CWC27: variants seen among roughly 807,000 people sequenced by gnomAD.
CWC27 encodes the protein CWC27 spliceosome associated cyclophilin.
Under a neutral mutation model 63.6 loss-of-function variants are expected in CWC27, and 47 were observed. That is an observed-to-expected ratio of 0.74 (90% CI 0.58 to 0.94). The LOEUF (loss-of-function observed/expected upper bound fraction) is 0.94, where lower values mean the gene tolerates loss of function less well. CWC27 is among the 40% of genes least tolerant of loss of function. The pLI, the probability that CWC27 is intolerant of heterozygous loss-of-function variation, is 0.00. For missense variants in CWC27, 495 were observed against 554.3 expected (o/e 0.89, Z 1.07); for synonymous variants, 175 against 179.8 (o/e 0.97, Z 0.22).
chr5:64,965,511 A>T (rs1748996448), intron 11 of CWC27, among the ~76,000 whole-genome samples: 1 of 152,218 alleles, frequency 6.6e-6, no homozygotes, highest in Non-Finnish European at 1.5e-5. Flanking sequence ...GAGCTTCATT[A>T]AGAATGGAAT....
intron 10 of CWC27, among the ~76,000 whole-genome samples, chr5:64,872,246 A>G (rs1746691460): frequency 6.6e-6 from 1 of 152,162 alleles, no homozygotes; most frequent in Non-Finnish European, 1.5e-5. Flanking sequence ...AGAATGACTC[A>G]TTTTATGCCT....
intron 11 of CWC27, among the ~76,000 whole-genome samples, chr5:64,930,313 C>T (rs542307876): frequency 6.6e-5 from 10 of 151,632 alleles, no homozygotes; most frequent in South Asian, 2.1e-4. Context: ...ATAGTGGTGA[C>T]GGTTTTACAA....
intron 10 of CWC27, among the ~76,000 whole-genome samples, chr5:64,873,784 T>C (rs79615311): frequency 2.6e-5 from 4 of 152,150 alleles, no homozygotes; most frequent in Non-Finnish European, 5.9e-5. Context: ...GTTTTCTCTA[T>C]GTTTTCTTTT....
In CWC27 at chr5:64,929,773, G is replaced by C. The variant is rs533160811; in HGVS notation, c.1043-41930G>C. On this transcript the variant is annotated intron_variant, in intron 11 of 13. Coordinates refer to ENST00000381070, the MANE Select transcript of CWC27 (RefSeq NM_005869.4). The stretch of plus-strand genomic sequence containing the variant: ...AAGCTCATACATTACTGATGGTATT[G>C]TAAAATGGTACAACTGCTTTGGAAA... 3.9e-5 allele frequency among the ~76,000 whole-genome samples: 6 copies of C among 152,030 alleles called. No homozygotes were observed. The South Asian group carries it at 1.2e-3, about 32-fold the overall frequency.
intron 11 of CWC27, among the ~76,000 whole-genome samples, chr5:64,944,085 A>C (rs1408227460): frequency 6.6e-6 from 1 of 151,986 alleles, no homozygotes; most frequent in East Asian, 1.9e-4. Context: ...CATTACTCCA[A>C]CAGTTCTTTT....
At chr5:64,990,990 G>A (rs1226539475) in intron 13 of CWC27, among the ~76,000 whole-genome samples, 2 of 152,180 alleles carry the variant, frequency 1.3e-5, no homozygotes, top group African/African-American at 4.8e-5. Context: ...GGTGTGGGAT[G>A]TGGAGTAAAG....
At chr5:64,900,930 G>A (rs1747488078) in intron 11 of CWC27, among the ~76,000 whole-genome samples, 1 of 152,008 alleles carries the variant, frequency 6.6e-6, no homozygotes, top group Non-Finnish European at 1.5e-5. Context: ...ATGTGGCCCA[G>A]GACAGCTCTG....
Position 64,906,185 on chromosome 5 carries a change from G to A in CWC27, c.1042+20639G>A, listed in dbSNP as rs1306137839. On this transcript the variant is annotated intron_variant, in intron 11 of 13. Transcript: ENST00000381070. ...AGTAGCATGATTTATAATCCTATGG[G>A]TATATGCCCAGTAATGGAATCAGTG... Among the ~76,000 whole-genome samples the A allele has an allele frequency of 2.6e-5, 4 of 152,258 alleles. No individual in the cohort carries two copies. In the East Asian group the frequency reaches 7.7e-4, roughly 29 times the overall value.
intron 13 of CWC27, among the ~76,000 whole-genome samples, chr5:64,988,623 G>A (rs1385733800): frequency 1.4e-5 from 2 of 139,782 alleles, no homozygotes; most frequent in Non-Finnish European, 3.1e-5. Context: ...TTTTTTTTGA[G>A]ACGGGGTTTT....
intron 11 of CWC27, among the ~76,000 whole-genome samples, chr5:64,936,405 T>C (rs1748353308): frequency 6.6e-6 from 1 of 152,228 alleles, no homozygotes; most frequent in Non-Finnish European, 1.5e-5. Context: ...ATTACGTTTA[T>C]TGATTCGCCT....
chr5:64,835,166 A>G (rs1044975943), intron 10 of CWC27, among the ~76,000 whole-genome samples: 1 of 151,836 alleles, frequency 6.6e-6, no homozygotes, highest in Admixed American at 6.6e-5. Flanking sequence ...GACTGAAGAA[A>G]GTTTTCTAAC....
intron 10 of CWC27, among the ~76,000 whole-genome samples, chr5:64,847,042 A>G (rs1231900262): frequency 1.3e-5 from 2 of 151,884 alleles, no homozygotes; most frequent in Non-Finnish European, 2.9e-5. Flanking sequence ...TACATCCTAC[A>G]TATCAATAAT....
Position 65,000,035 on chromosome 5 carries a change from G to T in CWC27, c.1257-18124G>T, listed in dbSNP as rs77895618. On this transcript the variant is annotated intron_variant, in intron 13 of 13. Transcript: ENST00000381070. The stretch of plus-strand genomic sequence containing the variant: ...CTCTTTCATAATGACCATTCTAATT[G>T]GGGTGAGATGAGATCTCACTGTGGC... 9.0e-3 allele frequency among the ~76,000 whole-genome samples: 1,363 copies of T among 152,048 alleles called. 12 individuals carry two copies. The highest frequency in any genetic ancestry group is 0.041 in the Middle Eastern group (12 of 294).
chr5:64,887,355 T>TTTTATTTA (rs59499162), intron 11 of CWC27, among the ~76,000 whole-genome samples: 7 of 152,022 alleles, frequency 4.6e-5, no homozygotes, highest in East Asian at 1.9e-4. Context: ...TTCAATCTGC[T>TTTTATTTA]TTTATTTATT....
chr5:64,782,487 C>G (rs1038861091), intron 3 of CWC27, among the ~76,000 whole-genome samples: 1 of 47,980 alleles, frequency 2.1e-5, no homozygotes, highest in Admixed American at 2.4e-4. Context: ...AATAAATTGT[C>G]TGTAAAAGAT....
At chr5:64,860,221 G>T (rs1217373486) in intron 10 of CWC27, among the ~76,000 whole-genome samples, 4 of 151,942 alleles carry the variant, frequency 2.6e-5, no homozygotes, top group African/African-American at 7.3e-5. Context: ...TTTATTTGCT[G>T]ATATTTAAAT....
chr5:64,849,705 G>T (rs1362497692), intron 10 of CWC27, among the ~76,000 whole-genome samples: 1 of 64,650 alleles, frequency 1.5e-5, no homozygotes, highest in Non-Finnish European at 3.3e-5. Context: ...GGACCTGGTG[G>T]GGGGGTGATA....
At chr5:64,908,087 T>G (rs1747700472) in intron 11 of CWC27, among the ~76,000 whole-genome samples, 1 of 152,234 alleles carries the variant, frequency 6.6e-6, no homozygotes, top group East Asian at 1.9e-4. Context: ...ACATTGCGTC[T>G]TTGTTCTCAT....
chr5:64,965,839 T>A (rs1749003620), intron 11 of CWC27, among the ~76,000 whole-genome samples: 1 of 152,168 alleles, frequency 6.6e-6, no homozygotes, highest in Admixed American at 6.5e-5. Context: ...CTACCACTAA[T>A]TGCCTTATAC....
Sources: gnomAD v4.1 joint callset for allele counts (sites outside exome capture counted in the v4.1 genomes callset) on GRCh38, gnomAD v4.1.1 for gene constraint, MANE v1.5 for transcripts, NCBI Gene and HGNC (gene_info 2026-07-23, HGNC 2026-07-21) for gene names.